Variants in CCDC3 observed in about 807,000 individuals in gnomAD.
CCDC3 encodes the protein coiled-coil domain containing 3, also known as coiled-coil domain-containing protein 3.
In CCDC3, 24 loss-of-function variants were observed where a neutral mutation model predicts 21.4. The observed-to-expected ratio is 1.12, with a 90% CI of 0.81 to 1.58. The LOEUF (loss-of-function observed/expected upper bound fraction) is 1.58, where lower values mean the gene tolerates loss of function less well. Ranked by LOEUF, CCDC3 falls within the 40% of genes most tolerant of loss-of-function variation. CCDC3 has a pLI of 0.00. For missense variants in CCDC3, 425 were observed against 360.9 expected (o/e 1.18, Z -1.44); for synonymous variants, 186 against 166.0 (o/e 1.12, Z -0.93).
intron 3 of CCDC3, among the ~76,000 whole-genome samples, chr10:13,080,298 A>T (rs2131446677): frequency 6.6e-6 from 1 of 152,258 alleles, no homozygotes; most frequent in East Asian, 1.9e-4. Context: ...CACAGAAGGT[A>T]AGACTAGGAA....
chr10:12,898,430 A>AG lies in CCDC3; in HGVS notation c.798dup (p.Tyr267LeufsTer25), dbSNP rs750606155. Reference sequence around the variant, plus strand: ...CCCCAGGCCCGTTACCCCCGCAGGTAGGGGGGGCGCACGGGCCCCCGGGCA... The same window carrying AG: ...CCCCAGGCCCGTTACCCCCGCAGGTAGGGGGGGGCGCACGGGCCCCCGGGCA... On this transcript the variant is annotated frameshift_variant, in exon 3 of 3. Coordinates refer to ENST00000378825, the MANE Select transcript of CCDC3 (RefSeq NM_031455.4). LOFTEE classifies it high-confidence loss of function. 7.2e-5 allele frequency: 115 copies of AG among 1,600,658 alleles called. 1 individual carries two copies. Among genetic ancestry groups the AG allele is most frequent in the Admixed American group, 6.3e-4 (36 of 57,296 alleles).
intron 2 of CCDC3, among the ~76,000 whole-genome samples, chr10:12,989,861 C>T (rs180677085): frequency 9.5e-4 from 145 of 152,054 alleles, no homozygotes; most frequent in African/African-American, 3.3e-3. Context: ...AGCCTCATAG[C>T]GCAAATCAAG....
At chr10:13,070,508 T>C (rs1404231588) in intron 4 of CCDC3, among the ~76,000 whole-genome samples, 4 of 152,172 alleles carry the variant, frequency 2.6e-5, no homozygotes, top group African/African-American at 9.7e-5. Context: ...TGGCCTCATA[T>C]CTTCGTACAC....
intron 2 of CCDC3, among the ~76,000 whole-genome samples, chr10:12,903,147 C>T (rs1236239386): frequency 6.6e-6 from 1 of 152,188 alleles, no homozygotes; most frequent in African/African-American, 2.4e-5. Context: ...GCAGGCAGGT[C>T]TGTATCTCTG....
chr10:13,004,662 T>C (rs1835905053), upstream of CCDC3, among the ~76,000 whole-genome samples: 1 of 148,466 alleles, frequency 6.7e-6, no homozygotes, highest in South Asian at 2.1e-4. Context: ...AGGGGATCCA[T>C]GTTGGCCTCT....
intron 2 of CCDC3, among the ~76,000 whole-genome samples, chr10:12,969,736 A>G (rs2131263616): frequency 6.7e-6 from 1 of 149,654 alleles, no homozygotes; most frequent in African/African-American, 2.4e-5. Flanking sequence ...TAATATTCTA[A>G]TATTTTTAAA....
At chr10:12,934,848 G>A (rs1834710711) in intron 2 of CCDC3, among the ~76,000 whole-genome samples, 1 of 152,044 alleles carries the variant, frequency 6.6e-6, no homozygotes, top group African/African-American at 2.4e-5. Context: ...GCCCAGGCTG[G>A]TATCAAACTC....
intron 2 of CCDC3, among the ~76,000 whole-genome samples, chr10:12,935,664 G>C (rs528306643): frequency 6.8e-6 from 1 of 147,894 alleles, no homozygotes; most frequent in Non-Finnish European, 1.5e-5. Flanking sequence ...ACCAATCCAA[G>C]TACATTTTTT....
intron 4 of CCDC3, among the ~76,000 whole-genome samples, chr10:13,065,258 T>C (rs939904391): frequency 6.6e-6 from 1 of 152,178 alleles, no homozygotes; most frequent in Non-Finnish European, 1.5e-5. Flanking sequence ...CCTACAAGGA[T>C]CTTATGTTTA....
intron 5 of CCDC3, among the ~76,000 whole-genome samples, chr10:13,011,179 T>C (rs1167163971): frequency 2.5e-5 from 2 of 78,796 alleles, no homozygotes; most frequent in African/African-American, 7.8e-5. Context: ...AGACTCTGTC[T>C]CAGAAGAAAA....
At chr10:13,006,183 G>T (rs889006416), upstream of CCDC3, among the ~76,000 whole-genome samples, 1 of 152,234 alleles carries the variant, frequency 6.6e-6, no homozygotes, top group Admixed American at 6.5e-5. Flanking sequence ...ATGTGATAGA[G>T]AGCAGGAGAA....
chr10:12,948,644 C>T (rs1834959364), intron 2 of CCDC3, among the ~76,000 whole-genome samples: 1 of 151,474 alleles, frequency 6.6e-6, no homozygotes, highest in Non-Finnish European at 1.5e-5. Context: ...ACTGGTCCAA[C>T]ACCTTAAATT....
chr10:13,089,194 G>A (rs577552474), intron 3 of CCDC3, among the ~76,000 whole-genome samples: 5 of 152,118 alleles, frequency 3.3e-5, no homozygotes, highest in South Asian at 2.1e-4. Context: ...AGAAAGAGTC[G>A]TCTTAAAGTA....
chr10:13,000,123 C>T (rs778347931), intron 1 of CCDC3, among the ~76,000 whole-genome samples: 2 of 152,214 alleles, frequency 1.3e-5, no homozygotes, highest in Non-Finnish European at 1.5e-5. Context: ...AGACCCACGT[C>T]AGCCTCATTC....
chr10:12,904,368 C>T (rs563756521), intron 2 of CCDC3, among the ~76,000 whole-genome samples: 61 of 146,408 alleles, frequency 4.2e-4, no homozygotes, highest in Non-Finnish European at 6.7e-4. Context: ...ACTTGGGAGG[C>T]TGAAGCTAGA....
intron 2 of CCDC3, among the ~76,000 whole-genome samples, chr10:12,937,798 A>G (rs1271587518): frequency 6.6e-6 from 1 of 152,166 alleles, no homozygotes; most frequent in African/African-American, 2.4e-5. Context: ...CTCAGATGGG[A>G]GGCCACTACG....
At chr10:13,019,556 T>C (rs1292778789) in intron 5 of CCDC3, among the ~76,000 whole-genome samples, 2 of 152,240 alleles carry the variant, frequency 1.3e-5, no homozygotes, top group African/African-American at 4.8e-5. Context: ...CTAAGTAAAG[T>C]ACTTGGTAGA....
chr10:13,067,911 C>T (rs997761924), intron 4 of CCDC3, among the ~76,000 whole-genome samples: 2 of 152,038 alleles, frequency 1.3e-5, no homozygotes, highest in African/African-American at 2.4e-5. Context: ...TTTAAAAGGT[C>T]TTTACGTTTT....
chr10:12,954,879 G>A (rs984197664), intron 2 of CCDC3, among the ~76,000 whole-genome samples: 1 of 152,096 alleles, frequency 6.6e-6, no homozygotes, highest in Non-Finnish European at 1.5e-5. Flanking sequence ...ACTTATCCTT[G>A]AAAACATAAG....
Sources: allele counts gnomAD v4.1 joint callset (sites outside exome capture counted in the v4.1 genomes callset), GRCh38; gene constraint gnomAD v4.1.1; transcripts MANE v1.5; gene names NCBI Gene and HGNC (gene_info 2026-07-23, HGNC 2026-07-21).